Variants in LPCAT3 observed in about 807,000 individuals in gnomAD.
The protein encoded by LPCAT3 is lysophosphatidylcholine acyltransferase 3.
LPCAT3 carries 21 observed loss-of-function variants against 63.4 expected under a neutral mutation model. That is an observed-to-expected ratio of 0.33 (90% confidence interval 0.23 to 0.48). The LOEUF is 0.48. Among genes scored for constraint, LPCAT3 ranks in the 20% least tolerant of loss-of-function variants. LPCAT3 has a pLI of 0.99. For synonymous variants in LPCAT3, 242 were observed against 227.5 expected, an observed-to-expected ratio of 1.06 and a Z score of -0.58; for missense variants, 451 against 590.6, an observed-to-expected ratio of 0.76 and a Z score of 2.45.
At chr12:7,012,371 A>C (rs1946768754) in intron 1 of LPCAT3, among the ~76,000 whole-genome samples, 1 of 127,066 alleles carries the variant, frequency 7.9e-6, no homozygotes, top group African/African-American at 3.5e-5. Context: ...AGTCAGGCAG[A>C]ACTCAGTGTG....
At chr12:6,979,309 A>G (rs1285513092) in intron 7 of LPCAT3, 162 bp downstream of exon 7, 6 of 627,612 alleles carry the variant, frequency 9.6e-6, no homozygotes. Context: ...GCTGATGAAC[A>G]TGTCCCAGCA....
chr12:7,013,109 G>A lies in LPCAT3; in HGVS notation c.151+5165C>T, dbSNP rs182094018. Among the ~76,000 whole-genome samples the A allele has an allele frequency of 1.1e-4, 16 of 152,338 alleles. No homozygotes were observed. The East Asian group carries it at 2.9e-3, about 28-fold the overall frequency. Reference sequence around the variant, plus strand: ...GAAATTCCGGTCAGTATGAGAAAGTGTAACAGGGGACATAATTGAACATGA... The same window carrying A: ...GAAATTCCGGTCAGTATGAGAAAGTATAACAGGGGACATAATTGAACATGA... On this transcript the variant is annotated intron_variant, in intron 1 of 12. Coordinates refer to ENST00000261407, the MANE Select transcript of LPCAT3 (RefSeq NM_005768.6).
intron 3 of LPCAT3, among the ~76,000 whole-genome samples, chr12:6,982,302 G>T (rs1194090419): frequency 5.3e-5 from 8 of 152,160 alleles, no homozygotes; most frequent in Non-Finnish European, 8.8e-5. Context: ...GCCTCCCAAG[G>T]TGCTGGGATT....
intron 1 of LPCAT3, among the ~76,000 whole-genome samples, chr12:6,985,253 G>A (rs1946510908): frequency 1.3e-5 from 2 of 151,906 alleles, no homozygotes; most frequent in Non-Finnish European, 1.5e-5. Flanking sequence ...AAAATTAGCC[G>A]GGTGTGGTGG....
chr12:6,993,731 G>C (rs1229302791), intron 1 of LPCAT3, among the ~76,000 whole-genome samples: 1 of 152,114 alleles, frequency 6.6e-6, no homozygotes, highest in Non-Finnish European at 1.5e-5. Context: ...TCCTGTTTAT[G>C]GCTGAATAAT....
chr12:6,992,805 T>C (rs1555155646), intron 1 of LPCAT3, among the ~76,000 whole-genome samples: 1 of 152,206 alleles, frequency 6.6e-6, no homozygotes, highest in African/African-American at 2.4e-5. Context: ...GGATTGGTTC[T>C]AGTACTCGCA....
At chr12:6,984,459 C>T (rs982808795) in intron 1 of LPCAT3, among the ~76,000 whole-genome samples, 1 of 152,238 alleles carries the variant, frequency 6.6e-6, no homozygotes, top group Non-Finnish European at 1.5e-5. Flanking sequence ...GCAACATCCC[C>T]ACTGCACTAG....
intron 1 of LPCAT3, among the ~76,000 whole-genome samples, chr12:6,988,004 C>G (rs1946545739): frequency 6.6e-6 from 1 of 152,054 alleles, no homozygotes; most frequent in Non-Finnish European, 1.5e-5. Flanking sequence ...CTCCCTACTC[C>G]TAATTTACGG....
In LPCAT3 at chr12:7,018,302, C is replaced by T. The variant is rs782325670; in HGVS notation, c.123G>A (p.Ala41=). The change falls in exon 1 of 13, where the codon GCG becomes GCA. Residue 41 remains alanine, a synonymous_variant. Coordinates refer to ENST00000261407, the MANE Select transcript of LPCAT3 (RefSeq NM_005768.6). This position sits in a 1 kb window ranked among gnomAD's most constrained non-coding sequence, Gnocchi z 4.9. ...GGAAGATGGAGATGATCAGCCGCAG[C>T]GCCTGTTCTGACGCGCCCAGGGACG... is the stretch of plus-strand genomic sequence containing the variant. ...LATSLGASEQ[A]LRLIISIFLG... 6.2e-7 allele frequency: 1 copy of T among 1,606,932 alleles called. No individual in the cohort carries two copies. Among genetic ancestry groups the T allele is most frequent in the Admixed American group, 1.7e-5 (1 of 58,714 alleles).
intron 1 of LPCAT3, among the ~76,000 whole-genome samples, chr12:7,002,461 T>TC (rs782798963): frequency 2.0e-5 from 3 of 152,098 alleles, no homozygotes; most frequent in Non-Finnish European, 2.9e-5. Context: ...CTCCAACCCC[T>TC]CCAAACACTT....
Position 6,978,769 on chromosome 12 carries a change from G to A in LPCAT3, c.787-80C>T. On this transcript the variant is annotated intron_variant, in intron 7 of 12. Coordinates refer to ENST00000261407, the MANE Select transcript of LPCAT3 (RefSeq NM_005768.6). The stretch of plus-strand genomic sequence containing the variant: ...CTCAGCACTCTTCCTTTTCACACTT[G>A]TGGCTGGCTACTTCATACCTGCCTG... 5.7e-6 allele frequency: 9 copies of A among 1,571,354 alleles called. No homozygotes were observed. The South Asian group carries it at 6.0e-5, about 10-fold the overall frequency.
intron 9 of LPCAT3, 27 bp downstream of exon 9, chr12:6,978,314 G>C (rs374587541): frequency 1.3e-6 from 2 of 1,588,578 alleles, no homozygotes; most frequent in Non-Finnish European, 8.6e-7. Context: ...AAGGAACCAG[G>C]GTCCAGGCTC....
rs56951656 is a variant in LPCAT3 at position 6,987,111 on chromosome 12, C to CAAA, written c.152-3575_152-3573dup. ...TTGGGCAACGAGCAAGATTCTGTCT[C>CAAA]AAAAAAAAAAGAAAAAAAAGTTTTA... On this transcript the variant is annotated intron_variant, in intron 1 of 12. Coordinates refer to ENST00000261407, the MANE Select transcript of LPCAT3 (RefSeq NM_005768.6). The surrounding 1 kb of genome is among the most constrained non-coding windows in gnomAD (Gnocchi z 4.1). 2.1e-5 allele frequency among the ~76,000 whole-genome samples: 3 copies of CAAA among 145,128 alleles called. No homozygotes were observed. The highest frequency in any genetic ancestry group is 4.0e-4 in the East Asian group (2 of 4,954).
chr12:7,013,004 C>T (rs1288537948), intron 1 of LPCAT3, among the ~76,000 whole-genome samples: 1 of 152,180 alleles, frequency 6.6e-6, no homozygotes, highest in Non-Finnish European at 1.5e-5. Context: ...ACTCTGGGTA[C>T]ACTGTGGTAA....
intron 1 of LPCAT3, among the ~76,000 whole-genome samples, chr12:6,994,511 C>T (rs782316767): frequency 7.1e-4 from 107 of 151,148 alleles, no homozygotes; most frequent in African/African-American, 7.3e-4. Flanking sequence ...CTGTTGCCCA[C>T]GCTGGAGTGC....
At position 6,977,753 on chromosome 12, in the gene LPCAT3, A is replaced by G. The variant is rs1565596289; in HGVS notation, c.1041-8T>C. On this transcript the variant is annotated splice_polypyrimidine_tract_variant and splice_region_variant and intron_variant, in intron 9 of 12. Transcript: ENST00000261407. The surrounding 1 kb of genome is among the most constrained non-coding windows in gnomAD (Gnocchi z 4.5). Reference sequence around the variant, plus strand: ...AGTCGTTTGAAGATGTAGCTGGAGAAAAGGGTGGGTGGGGCGACCCTCAAA... The same window carrying G: ...AGTCGTTTGAAGATGTAGCTGGAGAGAAGGGTGGGTGGGGCGACCCTCAAA... 2 of 1,613,976 alleles carry G rather than the reference A, an allele frequency of 1.2e-6. No individual in the cohort carries two copies. The highest frequency in any genetic ancestry group is 1.7e-6 in the Non-Finnish European group (2 of 1,179,996).
At chr12:6,993,701 A>T (rs1555155766) in intron 1 of LPCAT3, among the ~76,000 whole-genome samples, 3 of 152,194 alleles carry the variant, frequency 2.0e-5, no homozygotes, top group Non-Finnish European at 4.4e-5. Flanking sequence ...TCCATGTTGT[A>T]GCATGTATCA....
rs1946411376 is a variant in LPCAT3 at position 6,977,011 on chromosome 12, GT to G, written c.*13-121del. 1 of 691,802 alleles carries G rather than the reference GT, an allele frequency of 1.4e-6. No homozygotes were observed. Among genetic ancestry groups the G allele is most frequent in the African/African-American group, 1.8e-5 (1 of 56,894 alleles). 42.9% of individuals were successfully genotyped at this position (691,802 alleles called of 1,614,324 possible). On this transcript the variant is annotated intron_variant, in intron 12 of 12. Transcript: ENST00000261407. The surrounding 1 kb of genome is among the most constrained non-coding windows in gnomAD (Gnocchi z 4.5). ...TCACAGTAGTCATTGCCCATACTGT[GT>G]TCCTTAGTAGCCAGGCTAATCCTTG...
intron 1 of LPCAT3, among the ~76,000 whole-genome samples, chr12:7,005,756 T>A (rs782433905): frequency 1.4e-4 from 21 of 152,364 alleles, no homozygotes; most frequent in African/African-American, 5.1e-4. Context: ...TCTATTCATA[T>A]CCATTTTGTA....
Sources: gnomAD v4.1 joint callset for allele counts (sites outside exome capture counted in the v4.1 genomes callset) on GRCh38, gnomAD v4.1.1 for gene constraint, Gnocchi (gnomAD v3.1) non-coding constraint, MANE v1.5 for transcripts, NCBI Gene and HGNC (gene_info 2026-07-23, HGNC 2026-07-21) for gene names.